The following SLC14A2 variants were observed in gnomAD, a reference collection of about 807,000 sequenced individuals.
SLC14A2 encodes the protein solute carrier family 14 member 2.
In SLC14A2, 91 loss-of-function variants were observed where a neutral mutation model predicts 104.6. That is an observed-to-expected ratio of 0.87 (90% CI 0.73 to 1.04). The LOEUF is 1.04. Among genes scored for constraint, SLC14A2 ranks in the 50% least tolerant of loss-of-function variants. SLC14A2 has a pLI of 0.00. For synonymous variants in SLC14A2, 476 were observed against 466.4 expected (o/e 1.02, Z -0.27); for missense variants, 1,189 against 1,156.0 (o/e 1.03, Z -0.41).
chr18:45,514,619 C>T (rs1479024796), intron 2 of SLC14A2, among the ~76,000 whole-genome samples: 2 of 152,144 alleles, frequency 1.3e-5, no homozygotes, highest in East Asian at 1.9e-4. Context: ...AGCATCCTAA[C>T]GTAGACCTGA....
intron 19 of SLC14A2, among the ~76,000 whole-genome samples, chr18:45,680,304 G>T (rs1484733713): frequency 6.6e-6 from 1 of 152,220 alleles, no homozygotes; most frequent in African/African-American, 2.4e-5. Flanking sequence ...TGTTTACAGT[G>T]ATGACTGGCC....
intron 1 of SLC14A2, among the ~76,000 whole-genome samples, chr18:45,323,849 G>C (rs1199224017): frequency 6.6e-6 from 1 of 152,122 alleles, no homozygotes; most frequent in Non-Finnish European, 1.5e-5. Context: ...GTTTTCTGGG[G>C]CATTTGCACT....
chr18:45,287,844 C>T (rs745690874), intron 1 of SLC14A2, among the ~76,000 whole-genome samples: 11 of 152,064 alleles, frequency 7.2e-5, no homozygotes, highest in Non-Finnish European at 1.2e-4. Context: ...GTGGATGAAA[C>T]GTGGTCTTCC....
chr18:45,466,087 G>T (rs1470743801), intron 1 of SLC14A2, among the ~76,000 whole-genome samples: 10 of 152,070 alleles, frequency 6.6e-5, no homozygotes, highest in Non-Finnish European at 1.3e-4. Flanking sequence ...ATGGGAGAAA[G>T]TGAGGATTAT....
chr18:45,681,908 T>C (rs924071911), intron 19 of SLC14A2, among the ~76,000 whole-genome samples: 3 of 152,184 alleles, frequency 2.0e-5, no homozygotes, highest in Non-Finnish European at 2.9e-5. Context: ...ACAGAAAACA[T>C]CTTGAGCTAC....
chr18:45,541,891 G>A (rs904919459), intron 2 of SLC14A2, among the ~76,000 whole-genome samples: 1 of 152,058 alleles, frequency 6.6e-6, no homozygotes, highest in African/African-American at 2.4e-5. Flanking sequence ...CACAAAACAG[G>A]GTCTTGCACA....
chr18:45,518,504 G>C (rs1231258140), intron 2 of SLC14A2, among the ~76,000 whole-genome samples: 1 of 152,174 alleles, frequency 6.6e-6, no homozygotes. Flanking sequence ...TCACAGTCCA[G>C]AGGTGAAATA....
intron 1 of SLC14A2, among the ~76,000 whole-genome samples, chr18:45,462,297 G>T (rs2087059752): frequency 6.6e-6 from 1 of 152,180 alleles, no homozygotes; most frequent in Admixed American, 6.5e-5. Flanking sequence ...CAGTACAAAA[G>T]GCATAGACTT....
intron 10 of SLC14A2, among the ~76,000 whole-genome samples, chr18:45,663,532 T>G (rs533111628): frequency 2.0e-5 from 3 of 152,302 alleles, no homozygotes; most frequent in African/African-American, 7.2e-5. Context: ...CACTAAGAAA[T>G]AAGGCAAACT....
intron 2 of SLC14A2, among the ~76,000 whole-genome samples, chr18:45,599,656 A>C (rs1287396376): frequency 1.3e-5 from 2 of 152,236 alleles, no homozygotes; most frequent in Non-Finnish European, 2.9e-5. Context: ...GACACTGAGC[A>C]GTGTCTGAGC....
chr18:45,334,305 C>G (rs559643858), intron 1 of SLC14A2, among the ~76,000 whole-genome samples: 40 of 152,280 alleles, frequency 2.6e-4, no homozygotes, highest in African/African-American at 8.9e-4. Flanking sequence ...ATTACAAACA[C>G]TTTAGACCCC....
In SLC14A2 at chr18:45,644,030, C is replaced by A. The variant is rs774848430; in HGVS notation, c.1221C>A (p.Ile407=). 2.5e-6 allele frequency: 4 copies of A among 1,614,222 alleles called. No individual in the cohort carries two copies. In the South Asian group the frequency reaches 3.3e-5, roughly 13 times the overall value. ...CCTGGGCCTTCTGCCTTGCCACCAT[C>A]ATCTTCCTGCTCCTGACGACAAACA... ...PGTWAFCLAT[I]IFLLLTTNNP... is the part of the protein sequence containing the mutation. Residue 407 remains isoleucine (I), a synonymous_variant, in exon 10 of 20, where the codon ATC becomes ATA. Transcript: ENST00000255226.
Position 45,639,898 on chromosome 18 carries a change from G to C in SLC14A2, c.991+5G>C. ...CAATCGTGGGGCTGCTAGCAGGTAG[G>C]ACAGAGCTCCCTCTCTTCAGGTCCT... On this transcript the variant is annotated splice_donor_5th_base_variant and intron_variant, in intron 7 of 19. Coordinates refer to ENST00000255226, the MANE Select transcript of SLC14A2 (RefSeq NM_007163.4). 1 of 1,612,292 alleles carries C rather than the reference G, an allele frequency of 6.2e-7. No individual in the cohort carries two copies. Among genetic ancestry groups the C allele is most frequent in the Non-Finnish European group, 8.5e-7 (1 of 1,179,548 alleles).
At chr18:45,615,092 C>G (rs750473785), upstream of SLC14A2, 1 of 152,202 alleles carries the variant, frequency 6.6e-6, no homozygotes, top group Non-Finnish European at 1.5e-5. Context: ...CCGCCGCACC[C>G]GGCCATTTGC....
chr18:45,617,416 C>G (rs1363166255), intron 1 of SLC14A2, among the ~76,000 whole-genome samples: 7 of 152,184 alleles, frequency 4.6e-5, no homozygotes, highest in South Asian at 2.1e-4. Flanking sequence ...GGTGGTGCTG[C>G]CTCTGACTCC....
At chr18:45,557,314 C>T (rs1017754182) in intron 2 of SLC14A2, among the ~76,000 whole-genome samples, 8 of 152,196 alleles carry the variant, frequency 5.3e-5, no homozygotes, top group African/African-American at 1.9e-4. Context: ...CCCTCTAGTC[C>T]CTGCCATGCT....
intron 2 of SLC14A2, among the ~76,000 whole-genome samples, chr18:45,563,599 G>T (rs748188203): frequency 4.6e-5 from 7 of 152,044 alleles, no homozygotes; most frequent in Non-Finnish European, 1.0e-4. Context: ...CCAACTCTCT[G>T]ATCATCTCTT....
rs2045361290 is a variant in SLC14A2 at position 45,632,478 on chromosome 18, G to A, written c.650G>A (p.Cys217Tyr). Residue 217 changes from cysteine (C) to tyrosine (Y), a missense_variant and splice_region_variant, in exon 5 of 20, where the codon TGC (cysteine) becomes TAC (tyrosine). Coordinates refer to ENST00000255226, the MANE Select transcript of SLC14A2 (RefSeq NM_007163.4). ...CCTGTGACCTTCACAGCCATGTCCT[G>A]GTGAGGCACCTCATTTTTTCTGCTC... Reference protein sequence around the residue: ...LFPVTFTAMSCPVLSSALNSI... With the variant: ...LFPVTFTAMSYPVLSSALNSI... The A allele has an allele frequency of 6.2e-7, 1 of 1,612,844 alleles. No individual in the cohort carries two copies. The highest frequency in any genetic ancestry group is 8.5e-7 in the Non-Finnish European group (1 of 1,179,590).
the SLC14A2 span, among the ~76,000 whole-genome samples, chr18:45,187,293 G>A: frequency 6.6e-6 from 1 of 152,072 alleles, no homozygotes; most frequent in Non-Finnish European, 1.5e-5. Flanking sequence ...AGTTTAGATG[G>A]AGGCTTCACA....
Sources: allele counts gnomAD v4.1 joint callset (sites outside exome capture counted in the v4.1 genomes callset), GRCh38; gene constraint gnomAD v4.1.1; transcripts MANE v1.5; gene names NCBI Gene and HGNC (gene_info 2026-07-23, HGNC 2026-07-21).